Variants in CLN6 observed in about 807,000 individuals in gnomAD.
The protein encoded by CLN6 is CLN6 transmembrane ER protein.
A neutral mutation model predicts 33.3 loss-of-function variants in CLN6; 22 were observed. That is an observed-to-expected ratio of 0.66 (90% CI 0.47 to 0.94). The LOEUF (loss-of-function observed/expected upper bound fraction) is 0.94, where lower values mean the gene tolerates loss of function less well. Ranked by LOEUF, CLN6 falls within the 40% of genes least tolerant of loss-of-function variation. CLN6 has a pLI of 0.00. For synonymous variants in CLN6, 201 were observed against 174.6 expected, an observed-to-expected ratio of 1.15 and a Z score of -1.19; for missense variants, 387 against 417.1, an observed-to-expected ratio of 0.93 and a Z score of 0.63.
rs76908712 is a variant in CLN6, at chr15:68,240,683, T to TA, written c.179+16006dup. ...AGATAAATGTTGGGCAAGATTCCTT[T>TA]AAAAAAAAAAGGGGACAGGGCCGGG... On this transcript the variant is annotated intron_variant, in intron 1 of 6. Coordinates refer to the CLN6 transcript ENST00000538696. Among the ~76,000 whole-genome samples the TA allele has an allele frequency of 6.8e-3, 968 of 142,630 alleles. 8 individuals carry two copies. The highest frequency in any genetic ancestry group is 0.022 in the African/African-American group (869 of 39,078). 93.6% of individuals were successfully genotyped at this position (142,630 alleles called of 152,430 possible).
upstream of CLN6, chr15:68,257,145 C>T: frequency 3.0e-6 from 1 of 330,988 alleles, no homozygotes; most frequent in Non-Finnish European, 5.5e-6. Flanking sequence ...GGCAGCGGTG[C>T]CCAGGGGCTG....
chr15:68,213,508 C>A (rs1339316496), intron 3 of CLN6: 1 of 152,230 alleles, frequency 6.6e-6, no homozygotes, highest in Non-Finnish European at 1.5e-5. Flanking sequence ...TCCCAAAGTG[C>A]TGGGATTACA....
rs192080005 is a variant in CLN6 at position 68,219,021 on chromosome 15, A to G, written c.84-371T>C. Among the ~76,000 whole-genome samples the G allele has an allele frequency of 6.6e-6, 1 of 152,336 alleles. No homozygotes were observed. The highest frequency in any genetic ancestry group is 6.5e-5 in the Admixed American group (1 of 15,296). ...AGCTGACCTTAGTTGAGCACTTACT[A>G]TATCCCAGGCACTACTGTTAGCTGT... On this transcript the variant is annotated intron_variant, in intron 1 of 6. Transcript: ENST00000249806. This position sits in a 1 kb window ranked among gnomAD's most constrained non-coding sequence, Gnocchi z 4.2.
chr15:68,211,636 T>G lies in CLN6; in HGVS notation c.486+39A>C, dbSNP rs1452059463. On this transcript the variant is annotated intron_variant, in intron 4 of 6. Transcript: ENST00000249806. The surrounding 1 kb of genome is among the most constrained non-coding windows in gnomAD (Gnocchi z 5.9). ...TTCAGCCTCCCAGGACAGACTGTGC[T>G]CCTAGGGCTTACAGGCAGGGAGCAG... The G allele has an allele frequency of 6.2e-7, 1 of 1,611,246 alleles. No individual in the cohort carries two copies. The highest frequency in any genetic ancestry group is 1.1e-5 in the South Asian group (1 of 90,906).
rs946865795 is a variant in CLN6, at chr15:68,226,442, A to G, written c.83+3060T>C. Among the ~76,000 whole-genome samples, 3 of 152,068 alleles carry G rather than the reference A, an allele frequency of 2.0e-5. No homozygotes were observed. The East Asian group carries it at 5.8e-4, about 29-fold the overall frequency. ...TGGGCCTTAATGTCCTCATTTGTAAAATGGAGATAATAGTAGATCCTATCC... is the reference window on the plus strand; with the variant it reads ...TGGGCCTTAATGTCCTCATTTGTAAGATGGAGATAATAGTAGATCCTATCC... On this transcript the variant is annotated intron_variant, in intron 1 of 6. Transcript: ENST00000249806.
At chr15:68,223,506 G>T (rs556061440) in intron 1 of CLN6, among the ~76,000 whole-genome samples, 1 of 152,162 alleles carries the variant, frequency 6.6e-6, no homozygotes, top group Non-Finnish European at 1.5e-5. Context: ...CTTGGGTGGC[G>T]AAAGAGGTAA....
At chr15:68,234,507 C>G (rs1187125009), upstream of CLN6, among the ~76,000 whole-genome samples, 1 of 152,156 alleles carries the variant, frequency 6.6e-6, no homozygotes, top group Non-Finnish European at 1.5e-5. This position sits in a 1 kb window ranked among gnomAD's most constrained non-coding sequence, Gnocchi z 4.1. Flanking sequence ...TATTTCCACC[C>G]ATTAATGGAA....
At chr15:68,237,886 C>T (rs1006040309) in intron 1 of CLN6, among the ~76,000 whole-genome samples, 8 of 151,160 alleles carry the variant, frequency 5.3e-5, no homozygotes, top group Non-Finnish European at 1.2e-4. Context: ...GCACTTTGGG[C>T]GGCCGAGGCG....
Position 68,208,094 on chromosome 15 carries a change from G to GCCCCCCCCCCCC in CLN6, c.*45_*46insGGGGGGGGGGGG. ...CTCCTGTATTCAGATGCCCTCCATG[G>GCCCCCCCCCCCC]CCCACCCTCCCACCCAGCAGAGCGC... On this transcript the variant is annotated 3_prime_UTR_variant, in exon 7 of 7. Transcript: ENST00000249806. This position sits in a 1 kb window ranked among gnomAD's most constrained non-coding sequence, Gnocchi z 5.8. The GCCCCCCCCCCCC allele has an allele frequency of 1.5e-6, 2 of 1,375,274 alleles. No homozygotes were observed. The highest frequency in any genetic ancestry group is 2.5e-5 in the East Asian group (1 of 39,906). 85.2% of individuals were successfully genotyped at this position (1,375,274 alleles called of 1,614,324 possible).
intron 1 of CLN6, among the ~76,000 whole-genome samples, chr15:68,255,936 G>A (rs1394522497): frequency 1.3e-5 from 2 of 151,962 alleles, no homozygotes; most frequent in South Asian, 2.1e-4. Context: ...TGGGACTACA[G>A]GTGCGGGCCA....
chr15:68,218,952 G>A lies in CLN6; in HGVS notation c.84-302C>T, dbSNP rs187556194. On this transcript the variant is annotated intron_variant, in intron 1 of 6. Transcript: ENST00000249806. ...GAGGAAATCAAGAAAGGCAAAGGAC[G>A]CAATCGTGGCTGAAAAGCATGAAAC... 3.4e-4 allele frequency among the ~76,000 whole-genome samples: 52 copies of A among 152,306 alleles called. 2 individuals carry two copies. In the East Asian group the frequency reaches 9.5e-3, roughly 28 times the overall value.
rs1485719625 is a variant in CLN6, at chr15:68,207,939, TAG to T, written c.*199_*200del. 3 of 611,392 alleles carry T rather than the reference TAG, an allele frequency of 4.9e-6. No individual in the cohort carries two copies. Among genetic ancestry groups the T allele is most frequent in the African/African-American group, 3.7e-5 (2 of 53,934 alleles). 37.9% of individuals were successfully genotyped at this position (611,392 alleles called of 1,614,324 possible). A position where few individuals can be genotyped will look rare whatever the true frequency, so the allele number is the denominator to read the frequency against. The stretch of plus-strand genomic sequence containing the variant: ...TCAAACAGAAACTTGACGGAAATAG[TAG>T]AGTCTGAAAATGATGCACTCTGCGC... On this transcript the variant is annotated 3_prime_UTR_variant, in exon 7 of 7. Transcript: ENST00000249806.
chr15:68,244,590 C>T (rs1216304565), intron 1 of CLN6, among the ~76,000 whole-genome samples: 1 of 152,102 alleles, frequency 6.6e-6, no homozygotes, highest in Non-Finnish European at 1.5e-5. Context: ...GAAAAAAACA[C>T]TAATGTGCCA....
rs139995296 is a variant in CLN6 at position 68,235,536 on chromosome 15, C to T, written c.180-16886G>A. Reference sequence around the variant, plus strand: ...ATTGAGCCGAGATCGTGCCACTGCACTCCAGCCTGGGTGACAGAGCGAGTC... The same window carrying T: ...ATTGAGCCGAGATCGTGCCACTGCATTCCAGCCTGGGTGACAGAGCGAGTC... On this transcript the variant is annotated intron_variant, in intron 1 of 6. Coordinates refer to the CLN6 transcript ENST00000538696. 5.8e-4 allele frequency among the ~76,000 whole-genome samples: 87 copies of T among 150,194 alleles called. 2 individuals carry two copies. In the East Asian group the frequency reaches 0.013, roughly 23 times the overall value.
At chr15:68,218,930 G>A (rs748224632) in intron 1 of CLN6, among the ~76,000 whole-genome samples, 3 of 152,278 alleles carry the variant, frequency 2.0e-5, no homozygotes, top group Admixed American at 1.3e-4. Context: ...AAAGATGGAG[G>A]AAATCAAGAA....
Position 68,247,921 on chromosome 15 carries a change from G to A in CLN6, c.179+8769C>T, listed in dbSNP as rs1892342702. On this transcript the variant is annotated intron_variant, in intron 1 of 6. Coordinates refer to the CLN6 transcript ENST00000538696. The surrounding 1 kb of genome is among the most constrained non-coding windows in gnomAD (Gnocchi z 4.2). ...CACATGCCTGTAATCCTAGCTACTTGGGAGGCTGAGGCAGGAGAATCACTT... is the reference window on the plus strand; with the variant it reads ...CACATGCCTGTAATCCTAGCTACTTAGGAGGCTGAGGCAGGAGAATCACTT... Among the ~76,000 whole-genome samples the A allele has an allele frequency of 6.6e-6, 1 of 151,468 alleles. No homozygotes were observed. The highest frequency in any genetic ancestry group is 2.4e-5 in the African/African-American group (1 of 40,924).
chr15:68,218,903 G>C (rs904325930), intron 1 of CLN6, among the ~76,000 whole-genome samples: 4 of 152,062 alleles, frequency 2.6e-5, no homozygotes, highest in African/African-American at 9.7e-5. Context: ...GTAATTGCTG[G>C]GGTTTCTCCG....
At chr15:68,255,975 G>A (rs193105753) in intron 1 of CLN6, among the ~76,000 whole-genome samples, 5 of 149,072 alleles carry the variant, frequency 3.4e-5, no homozygotes, top group South Asian at 2.1e-4. Context: ...TTTTTGTACA[G>A]ACAGGGTCCC....
rs1382826552 is a variant in CLN6, at chr15:68,210,990, C to T, written c.542+273G>A. Among the ~76,000 whole-genome samples, 2 of 152,320 alleles carry T rather than the reference C, an allele frequency of 1.3e-5. No individual in the cohort carries two copies. Among genetic ancestry groups the T allele is most frequent in the East Asian group, 3.9e-4 (2 of 5,170 alleles). On this transcript the variant is annotated intron_variant, in intron 5 of 6. Transcript: ENST00000249806. This position sits in a 1 kb window ranked among gnomAD's most constrained non-coding sequence, Gnocchi z 5.6. ...AAGCCACTCGCTGCCCTCTGCTGGC[C>T]ACAGCGGGCACTGAGGGCTGGGCGG...
Sources: gnomAD v4.1 joint callset for allele counts (sites outside exome capture counted in the v4.1 genomes callset) on GRCh38, gnomAD v4.1.1 for gene constraint, Gnocchi (gnomAD v3.1) non-coding constraint, MANE v1.5 for transcripts, NCBI Gene and HGNC (gene_info 2026-07-23, HGNC 2026-07-21) for gene names.